The following NCOR1 variants were observed in gnomAD, a reference collection of about 807,000 sequenced individuals.
The protein encoded by NCOR1 is nuclear receptor corepressor 1.
In NCOR1, 63 loss-of-function variants were observed where a neutral mutation model predicts 288.1. That is an observed-to-expected ratio of 0.22 (90% CI 0.18 to 0.27). NCOR1 has a LOEUF of 0.27. NCOR1 is among the 10% of genes least tolerant of loss of function. The pLI, the probability that NCOR1 is intolerant of heterozygous loss-of-function variation, is 1.00. For synonymous variants in NCOR1, 1,007 were observed against 1,065.9 expected (o/e 0.94, Z 1.08); for missense variants, 2,397 against 3,019.2 (o/e 0.79, Z 4.83).
At position 16,062,281 on chromosome 17, in the gene NCOR1, G is replaced by A. The variant is rs2060621418; in HGVS notation, c.5222-11C>T. ...CAGGCTGTTCTGAGCCTGCAGAGGT[G>A]AAAAAGAGAAAGAAACAAAGACATA... On this transcript the variant is annotated splice_polypyrimidine_tract_variant and intron_variant, in intron 35 of 45. Coordinates refer to ENST00000268712, the MANE Select transcript of NCOR1 (RefSeq NM_006311.4). The A allele has an allele frequency of 6.4e-7, 1 of 1,572,530 alleles. No homozygotes were observed. Among genetic ancestry groups the A allele is most frequent in the Non-Finnish European group, 8.6e-7 (1 of 1,167,424 alleles).
chr17:16,147,268 G>C (rs1463926848), intron 9 of NCOR1, among the ~76,000 whole-genome samples: 3 of 152,084 alleles, frequency 2.0e-5, no homozygotes, highest in African/African-American at 7.2e-5. Context: ...AATTAGCCAG[G>C]CGTGGTGGTG....
At position 16,139,049 on chromosome 17, in the gene NCOR1, C is replaced by A; in HGVS notation, c.1311G>T (p.Met437Ile). 1 of 1,603,468 alleles carries A rather than the reference C, an allele frequency of 6.2e-7. No homozygotes were observed. The highest frequency in any genetic ancestry group is 8.5e-7 in the Non-Finnish European group (1 of 1,173,712). Reference sequence around the variant, plus strand: ...CCTTTTCATGGTCAGTCCAAACATTCATAAACTGCCTATCTTTATACACTT... The same window carrying A: ...CCTTTTCATGGTCAGTCCAAACATTAATAAACTGCCTATCTTTATACACTT... ...PMKVYKDRQF[M>I]NVWTDHEKEI... The change falls in exon 12 of 46, where the codon ATG becomes ATT. Residue 437 changes from methionine (M) to isoleucine (I), a missense_variant. Around this residue, in one of 11 missense-constraint regions of NCOR1, gnomAD observed 80 missense variants for 100.3 expected, o/e 0.80. Transcript: ENST00000268712.
At chr17:16,157,976 ATTTTT>A (rs556854474) in intron 6 of NCOR1, among the ~76,000 whole-genome samples, 1 of 144,946 alleles carries the variant, frequency 6.9e-6, no homozygotes, top group African/African-American at 2.5e-5. Flanking sequence ...TTGAACTTTG[ATTTTT>A]TTTTTTTTTG....
intron 23 of NCOR1, 30 bp downstream of exon 23, chr17:16,086,252 G>C (rs2064213856): frequency 6.2e-7 from 1 of 1,601,510 alleles, no homozygotes; most frequent in East Asian, 2.2e-5. Flanking sequence ...TATTCAACAA[G>C]AAATCTACTG....
chr17:16,092,691 A>ATTTTT (rs2065578838), intron 21 of NCOR1, among the ~76,000 whole-genome samples: 1 of 10,854 alleles, frequency 9.2e-5, no homozygotes. Context: ...ATATATATAT[A>ATTTTT]TATATTTTTT....
Position 16,215,397 on chromosome 17 carries a change from C to T in NCOR1, c.-106G>A, listed in dbSNP as rs759120590. 3.3e-5 allele frequency: 13 copies of T among 395,634 alleles called. No homozygotes were observed. Among genetic ancestry groups the T allele is most frequent in the Non-Finnish European group, 5.4e-5 (12 of 224,138 alleles). The allele number at this position is 395,634 out of a possible 1,614,324, so 24.5% of individuals were successfully genotyped here. ...CTAAGCGTGGGAGCCGACGTGCGCC[C>T]CGGCCTGAGGAGTGGGACGCGGCCA... On this transcript the variant is annotated 5_prime_UTR_variant, in exon 1 of 46. Transcript: ENST00000268712.
intron 33 of NCOR1, 121 bp from the exon 34 acceptor site, chr17:16,065,140 A>G: frequency 1.1e-6 from 1 of 919,156 alleles, no homozygotes; most frequent in Non-Finnish European, 1.6e-6. Context: ...ATAAATAAAA[A>G]TGTTTACTAT....
chr17:16,127,134 T>C (rs1251272756), intron 14 of NCOR1, among the ~76,000 whole-genome samples: 1 of 131,796 alleles, frequency 7.6e-6, no homozygotes, highest in Non-Finnish European at 1.6e-5. Flanking sequence ...TGTATGTATA[T>C]ATACATGTAT....
At chr17:16,124,744 A>G (rs1027466378) in intron 15 of NCOR1, among the ~76,000 whole-genome samples, 1 of 152,206 alleles carries the variant, frequency 6.6e-6, no homozygotes, top group Admixed American at 6.5e-5. Flanking sequence ...CAGCAGTAAC[A>G]ACAAACAAAC....
chr17:16,123,972 T>C (rs1328958892), intron 15 of NCOR1, among the ~76,000 whole-genome samples: 1 of 152,200 alleles, frequency 6.6e-6, no homozygotes, highest in Non-Finnish European at 1.5e-5. Flanking sequence ...TTAAATAGTT[T>C]AGAAATTTTA....
At chr17:16,163,974 G>A (rs2081438657) in intron 5 of NCOR1, among the ~76,000 whole-genome samples, 1 of 152,202 alleles carries the variant, frequency 6.6e-6, no homozygotes. Context: ...ACTAGTGGCT[G>A]CCAGGGGTTG....
chr17:16,194,889 G>A (rs1164535365), intron 1 of NCOR1, among the ~76,000 whole-genome samples: 1 of 152,106 alleles, frequency 6.6e-6, no homozygotes, highest in African/African-American at 2.4e-5. Flanking sequence ...TATAAAAACA[G>A]CATAAGATCT....
At chr17:16,075,089 C>T (rs574258110) in intron 27 of NCOR1, among the ~76,000 whole-genome samples, 8 of 152,238 alleles carry the variant, frequency 5.3e-5, no homozygotes, top group African/African-American at 1.7e-4. Flanking sequence ...AGGATGGTCT[C>T]GATCTCCTGA....
chr17:16,139,633 G>C (rs1568280690), intron 11 of NCOR1, among the ~76,000 whole-genome samples: 2 of 151,952 alleles, frequency 1.3e-5, no homozygotes, highest in South Asian at 4.2e-4. Context: ...AAGCAAACAG[G>C]CATCAAAATT....
rs1408063489 is a variant in NCOR1 at position 16,071,422 on chromosome 17, C to A, written c.4139G>T (p.Gly1380Val). The A allele has an allele frequency of 1.2e-6, 2 of 1,608,936 alleles. No individual in the cohort carries two copies. The highest frequency in any genetic ancestry group is 2.2e-5 in the East Asian group (1 of 44,800). ...VVQSTRPIIE[G>V]SISQGTPIKF... Reference sequence around the variant, plus strand: ...AAACTTAGTTACCTGGGAAATGGAACCCTCAATTATCGGCCGTGTGCTCTG... The same window carrying A: ...AAACTTAGTTACCTGGGAAATGGAAACCTCAATTATCGGCCGTGTGCTCTG... The change falls in exon 30 of 46, where the codon GGT becomes GTT. Residue 1380 changes from glycine to valine, a missense_variant. Gly to Val is a moderately radical substitution (Grantham distance 109, BLOSUM62 -3). Transcript: ENST00000268712.
chr17:16,205,516 A>C (rs2091383104), intron 1 of NCOR1, among the ~76,000 whole-genome samples: 1 of 151,596 alleles, frequency 6.6e-6, no homozygotes, highest in Non-Finnish European at 1.5e-5. Context: ...AGCTACTTGG[A>C]AGGCTGAGGC....
In NCOR1 at chr17:16,080,158, G is replaced by C. The variant is rs894622306; in HGVS notation, c.3401-94C>G. ...CCTACTTGGGAGAGTACTCAACTAAGAAGAAAAGAAAAAAGCAGCACAAAA... is the reference window on the plus strand; with the variant it reads ...CCTACTTGGGAGAGTACTCAACTAACAAGAAAAGAAAAAAGCAGCACAAAA... On this transcript the variant is annotated intron_variant, in intron 25 of 45. Transcript: ENST00000268712. 2.9e-6 allele frequency: 3 copies of C among 1,030,262 alleles called. No homozygotes were observed. The Admixed American group carries it at 7.5e-5, about 26-fold the overall frequency. 63.8% of individuals were successfully genotyped at this position (1,030,262 alleles called of 1,614,324 possible).
intron 30 of NCOR1, 22 bp from the exon 31 acceptor site, chr17:16,070,547 T>C (rs369398754): frequency 1.2e-4 from 187 of 1,602,906 alleles, no homozygotes; most frequent in Non-Finnish European, 1.5e-4. Context: ...GAAACAAACA[T>C]TACAGGTAGC....
At chr17:16,192,967 T>C (rs1470598588) in intron 2 of NCOR1, among the ~76,000 whole-genome samples, 1 of 152,114 alleles carries the variant, frequency 6.6e-6, no homozygotes, top group African/African-American at 2.4e-5. Context: ...TCAGAACGTA[T>C]ACAATGTATT....
Sources: gnomAD v4.1 joint callset for allele counts (sites outside exome capture counted in the v4.1 genomes callset) on GRCh38, gnomAD v4.1.1 for gene constraint, gnomAD v4.1.1 regional missense constraint, MANE v1.5 for transcripts, NCBI Gene and HGNC (gene_info 2026-07-23, HGNC 2026-07-21) for gene names.